The following FBXL13 variants were observed in gnomAD, a reference collection of about 807,000 sequenced individuals.
FBXL13 encodes the protein F-box and leucine-rich repeat protein 13.
In FBXL13, 67 loss-of-function variants were observed where a neutral mutation model predicts 83.6. The observed-to-expected ratio is 0.80, with a 90% confidence interval of 0.66 to 0.98. The LOEUF is 0.98. Ranked by LOEUF, FBXL13 falls within the 50% of genes least tolerant of loss-of-function variation. FBXL13 has a pLI of 0.00. For synonymous variants in FBXL13, 272 were observed against 299.5 expected, an observed-to-expected ratio of 0.91 and a Z score of 0.95; for missense variants, 822 against 866.5, an observed-to-expected ratio of 0.95 and a Z score of 0.64.
chr7:102,968,101 C>G (rs995342925), exon 7 of FBXL13: 74 of 1,612,338 alleles, frequency 4.6e-5, no homozygotes, highest in Non-Finnish European at 6.1e-5. Context: ...ATCTTTTAAA[C>G]TGAGGTAGAA....
chr7:103,035,619 T>C (rs78332519), intron 2 of FBXL13, among the ~76,000 whole-genome samples: 8,194 of 152,202 alleles, frequency 0.054, 293 homozygotes, highest in South Asian at 0.11. Context: ...AAACAACAGC[T>C]ATAGAAAAAA....
intron 16 of FBXL13, among the ~76,000 whole-genome samples, chr7:102,867,992 G>A (rs1017061997): frequency 6.6e-6 from 1 of 151,742 alleles, no homozygotes; most frequent in Non-Finnish European, 1.5e-5. Flanking sequence ...GTGAGCCACC[G>A]TGCCCGGCCA....
intron 2 of FBXL13, among the ~76,000 whole-genome samples, chr7:103,047,963 T>A (rs991951142): frequency 1.3e-5 from 2 of 152,244 alleles, no homozygotes; most frequent in African/African-American, 4.8e-5. Context: ...CCCAAAGTGT[T>A]GGGATTACAG....
chr7:103,025,335 A>G, intron 5 of FBXL13, 105 bp from the exon 7 acceptor site: 2 of 617,776 alleles, frequency 3.2e-6, no homozygotes, highest in Non-Finnish European at 2.7e-6. Flanking sequence ...CCAATTAAAC[A>G]TTATTTATGA....
rs147941193 is a variant in FBXL13, at chr7:102,977,956, G to A, written c.496-9839C>T. 2.2e-3 allele frequency among the ~76,000 whole-genome samples: 334 copies of A among 152,214 alleles called. 2 individuals are homozygous for A. Among genetic ancestry groups the A allele is most frequent in the African/African-American group, 7.6e-3 (317 of 41,526 alleles). On this transcript the variant is annotated intron_variant, in intron 6 of 19. Coordinates refer to ENST00000313221, the Ensembl canonical transcript of FBXL13. ...ACACCGGGGCCTGTTGTGGGGTGGG[G>A]GGAGAGGGGACGGATAGCATTAGGA...
At chr7:103,063,179 G>A (rs1266158172) in intron 1 of FBXL13, among the ~76,000 whole-genome samples, 2 of 152,096 alleles carry the variant, frequency 1.3e-5, no homozygotes, top group Admixed American at 6.5e-5. Flanking sequence ...TTCCTATGCA[G>A]GTTGGCCTTC....
intron 11 of FBXL13, among the ~76,000 whole-genome samples, chr7:102,912,741 C>T (rs1424199096): frequency 7.1e-6 from 1 of 141,438 alleles, no homozygotes; most frequent in Non-Finnish European, 1.5e-5. Flanking sequence ...GCAAAATTCT[C>T]CCTCAAAACA....
intron 2 of FBXL13, among the ~76,000 whole-genome samples, chr7:103,050,618 G>T (rs1303673839): frequency 6.6e-6 from 1 of 152,190 alleles, no homozygotes; most frequent in Non-Finnish European, 1.5e-5. Context: ...GAAAGGAAAG[G>T]TAGAGAAAGA....
At chr7:103,053,375 A>T (rs1478814482) in intron 2 of FBXL13, among the ~76,000 whole-genome samples, 1 of 147,552 alleles carries the variant, frequency 6.8e-6, no homozygotes, top group Non-Finnish European at 1.5e-5. Context: ...CTGCTCTCGA[A>T]CTTCTGACCT....
chr7:102,984,440 C>A (rs1390742016), intron 6 of FBXL13, among the ~76,000 whole-genome samples: 1 of 152,086 alleles, frequency 6.6e-6, no homozygotes, highest in African/African-American at 2.4e-5. Context: ...TTGGCTTATG[C>A]AATAATGAAG....
exon 14 of FBXL13, chr7:102,883,370 G>A: frequency 6.2e-7 from 1 of 1,613,764 alleles, no homozygotes; most frequent in Admixed American, 1.7e-5. Flanking sequence ...TGAGGCTGCT[G>A]TCTGTTATTC....
At chr7:102,942,805 C>T (rs1211597958) in intron 8 of FBXL13, among the ~76,000 whole-genome samples, 1 of 151,920 alleles carries the variant, frequency 6.6e-6, no homozygotes, top group Non-Finnish European at 1.5e-5. Context: ...TTGGTATGAC[C>T]ACATATTTTC....
chr7:102,993,502 T>A (rs1829789654), intron 6 of FBXL13, among the ~76,000 whole-genome samples: 1 of 152,082 alleles, frequency 6.6e-6, no homozygotes, highest in Non-Finnish European at 1.5e-5. Context: ...AATCAAGTAA[T>A]TTTACATTTT....
At chr7:102,927,900 A>C (rs1186990033) in intron 9 of FBXL13, among the ~76,000 whole-genome samples, 2 of 152,270 alleles carry the variant, frequency 1.3e-5, no homozygotes, top group African/African-American at 2.4e-5. Context: ...TTGGCATGCC[A>C]ATCAAGTATC....
intron 6 of FBXL13, among the ~76,000 whole-genome samples, chr7:103,022,576 G>C (rs1028925360): frequency 6.6e-6 from 1 of 152,008 alleles, no homozygotes; most frequent in African/African-American, 2.4e-5. Flanking sequence ...AACAGGGAAA[G>C]AACTCTTCAT....
chr7:102,820,107 G>A (rs1021962632), intron 19 of FBXL13, among the ~76,000 whole-genome samples: 4 of 152,220 alleles, frequency 2.6e-5, no homozygotes, highest in African/African-American at 7.2e-5. Flanking sequence ...TCTACAGTGA[G>A]GACTGTCTTT....
At chr7:103,027,925 T>C (rs1794119844) in intron 4 of FBXL13, among the ~76,000 whole-genome samples, 1 of 152,236 alleles carries the variant, frequency 6.6e-6, no homozygotes, top group African/African-American at 2.4e-5. Context: ...AATTTAATTT[T>C]ATGTCCTGTG....
chr7:102,861,937 G>A (rs1264684926), intron 16 of FBXL13, among the ~76,000 whole-genome samples: 4 of 148,250 alleles, frequency 2.7e-5, no homozygotes, highest in Non-Finnish European at 5.9e-5. Context: ...AGCCAAGATC[G>A]TGCCACTGCA....
At chr7:102,962,221 A>C (rs1825341375) in intron 8 of FBXL13, among the ~76,000 whole-genome samples, 1 of 151,936 alleles carries the variant, frequency 6.6e-6, no homozygotes, top group South Asian at 2.1e-4. Flanking sequence ...TGCAGCCAAA[A>C]AACACATGAA....
Sources: gnomAD v4.1 joint callset for allele counts (sites outside exome capture counted in the v4.1 genomes callset) on GRCh38, gnomAD v4.1.1 for gene constraint, MANE v1.5 for transcripts, NCBI Gene and HGNC (gene_info 2026-07-23, HGNC 2026-07-21) for gene names.